Variants in TAS2R1 observed in about 807,000 individuals in gnomAD.
The protein encoded by TAS2R1 is taste receptor type 2 member 1.
For synonymous variants in TAS2R1, 141 were observed against 134.2 expected (o/e 1.05, Z -0.35); for missense variants, 370 against 353.4 (o/e 1.05, Z -0.38).
intron 2 of TAS2R1, among the ~76,000 whole-genome samples, chr5:9,651,053 G>A (rs183447817): frequency 1.3e-5 from 2 of 152,288 alleles, no homozygotes; most frequent in South Asian, 2.1e-4. Context: ...CACTTAGAAA[G>A]TATTAAGATT....
At chr5:9,835,974 G>GT in the TAS2R1 span, among the ~76,000 whole-genome samples, 1 of 152,090 alleles carries the variant, frequency 6.6e-6, no homozygotes, top group Admixed American at 6.5e-5. Flanking sequence ...GTTTGGCTGC[G>GT]TCCCCACCCA....
At chr5:9,691,664 T>C (rs1329518477) in intron 1 of TAS2R1, among the ~76,000 whole-genome samples, 1 of 152,198 alleles carries the variant, frequency 6.6e-6, no homozygotes, top group African/African-American at 2.4e-5. Context: ...TCTTCTAAAA[T>C]GGCCAGGCTG....
At chr5:9,851,409 C>T in the TAS2R1 span, among the ~76,000 whole-genome samples, 1 of 152,124 alleles carries the variant, frequency 6.6e-6, no homozygotes, top group East Asian at 1.9e-4. Flanking sequence ...CCACCTATAA[C>T]TCTAGAGCAC....
chr5:9,647,921 T>C (rs1318454252), intron 2 of TAS2R1, among the ~76,000 whole-genome samples: 1 of 152,178 alleles, frequency 6.6e-6, no homozygotes, highest in Non-Finnish European at 1.5e-5. Context: ...AAGCAATTCA[T>C]GGTGGGGCTT....
chr5:9,693,694 T>A (rs116031918), intron 1 of TAS2R1, among the ~76,000 whole-genome samples: 4,080 of 152,032 alleles, frequency 0.027, 73 homozygotes, highest in Middle Eastern at 0.068. Flanking sequence ...ATTATCTGTA[T>A]CCCTTGTCCA....
the TAS2R1 span, among the ~76,000 whole-genome samples, chr5:9,804,863 G>A: frequency 1.3e-5 from 2 of 151,868 alleles, no homozygotes; most frequent in East Asian, 3.9e-4. Flanking sequence ...CAAAACCCAA[G>A]CCCAGGAGAA....
the TAS2R1 span, among the ~76,000 whole-genome samples, chr5:9,849,195 T>C: frequency 3.3e-5 from 5 of 152,142 alleles, no homozygotes; most frequent in Non-Finnish European, 7.4e-5. Flanking sequence ...GGATCAGAAT[T>C]AAACCTGACC....
intron 1 of TAS2R1, among the ~76,000 whole-genome samples, chr5:9,663,788 A>T (rs1446653191): frequency 2.6e-5 from 4 of 152,212 alleles, no homozygotes; most frequent in Non-Finnish European, 5.9e-5. Flanking sequence ...TTGAGATGAG[A>T]TTATCCTGGG....
intron 1 of TAS2R1, among the ~76,000 whole-genome samples, chr5:9,699,770 C>A (rs1229598812): frequency 6.6e-6 from 1 of 152,148 alleles, no homozygotes. Flanking sequence ...ATTTTAATTG[C>A]AGTATGCTGC....
At chr5:9,643,929 T>C (rs1740134902) in intron 2 of TAS2R1, among the ~76,000 whole-genome samples, 1 of 152,108 alleles carries the variant, frequency 6.6e-6, no homozygotes, top group Admixed American at 6.6e-5. Flanking sequence ...GATCTGGGAA[T>C]GAACACTTCA....
chr5:9,830,371 G>T, the TAS2R1 span, among the ~76,000 whole-genome samples: 7 of 151,868 alleles, frequency 4.6e-5, no homozygotes, highest in African/African-American at 1.7e-4. Context: ...TTGACAGATA[G>T]GTGGATGATA....
chr5:9,887,295 T>C, the TAS2R1 span, among the ~76,000 whole-genome samples: 2 of 152,240 alleles, frequency 1.3e-5, no homozygotes, highest in Admixed American at 6.5e-5. Flanking sequence ...TAACAACCTA[T>C]ACAACCATAT....
At chr5:9,632,162 C>G (rs181467202), upstream of TAS2R1, among the ~76,000 whole-genome samples, 3 of 152,308 alleles carry the variant, frequency 2.0e-5, no homozygotes, top group Non-Finnish European at 4.4e-5. Flanking sequence ...TAAGGCCAGT[C>G]ACACTAATTT....
chr5:9,791,148 G>A, the TAS2R1 span, among the ~76,000 whole-genome samples: 1 of 152,120 alleles, frequency 6.6e-6, no homozygotes, highest in Admixed American at 6.5e-5. Flanking sequence ...TATTCTAAAT[G>A]ACATTAGTCT....
chr5:9,675,420 T>C (rs1434734437), intron 1 of TAS2R1, among the ~76,000 whole-genome samples: 1 of 130,256 alleles, frequency 7.7e-6, no homozygotes, highest in African/African-American at 2.9e-5. Flanking sequence ...TTTCTTTTTC[T>C]TTTTTTTTTT....
the TAS2R1 span, among the ~76,000 whole-genome samples, chr5:9,831,033 C>T: frequency 6.6e-6 from 1 of 152,158 alleles, no homozygotes; most frequent in African/African-American, 2.4e-5. Flanking sequence ...GATTGTTCAA[C>T]ACCATTAAGA....
the TAS2R1 span, among the ~76,000 whole-genome samples, chr5:9,836,636 T>C: frequency 6.6e-6 from 1 of 152,188 alleles, no homozygotes; most frequent in Non-Finnish European, 1.5e-5. Flanking sequence ...TTGCTGCCTA[T>C]CTGCTGCATA....
upstream of TAS2R1, among the ~76,000 whole-genome samples, chr5:9,633,545 A>T (rs1739916562): frequency 6.6e-6 from 1 of 151,776 alleles, no homozygotes. Flanking sequence ...CAGTGGTTGT[A>T]CTAGTTTACA....
At chr5:9,668,869 A>G (rs1258674250) in intron 1 of TAS2R1, among the ~76,000 whole-genome samples, 1 of 152,150 alleles carries the variant, frequency 6.6e-6, no homozygotes, top group Non-Finnish European at 1.5e-5. Context: ...AGTCTGCATA[A>G]TAACCAGCTA....
Sources: gnomAD v4.1 joint callset for allele counts (sites outside exome capture counted in the v4.1 genomes callset) on GRCh38, gnomAD v4.1.1 for gene constraint, MANE v1.5 for transcripts, NCBI Gene and HGNC (gene_info 2026-07-23, HGNC 2026-07-21) for gene names.